Variants in EFNA5 observed in about 807,000 individuals in gnomAD.
EFNA5 encodes ephrin A5.
EFNA5 carries 5 observed loss-of-function variants against 22.9 expected under a neutral mutation model. The observed-to-expected ratio is 0.22, with a 90% CI of 0.11 to 0.46. The LOEUF (loss-of-function observed/expected upper bound fraction) is 0.46. Ranked by LOEUF, EFNA5 falls within the 20% of genes least tolerant of loss-of-function variation. The pLI, the probability that EFNA5 is intolerant of heterozygous loss-of-function variation, is 0.99. For missense variants in EFNA5, 237 were observed against 293.3 expected (o/e 0.81, Z 1.40); for synonymous variants, 113 against 112.2 (o/e 1.01, Z -0.04).
At chr5:107,413,687 T>C (rs1748430175) in intron 2 of EFNA5, among the ~76,000 whole-genome samples, 1 of 152,192 alleles carries the variant, frequency 6.6e-6, no homozygotes, top group Admixed American at 6.5e-5. Context: ...AAATTTATTT[T>C]ATGATAAAAA....
At chr5:107,434,598 A>G (rs1366961223) in intron 1 of EFNA5, among the ~76,000 whole-genome samples, 1 of 152,248 alleles carries the variant, frequency 6.6e-6, no homozygotes, top group Non-Finnish European at 1.5e-5. Flanking sequence ...TTGCTGGCAC[A>G]GCAGAGAACC....
chr5:107,661,845 A>G (rs1007384308), intron 1 of EFNA5, among the ~76,000 whole-genome samples: 2 of 152,208 alleles, frequency 1.3e-5, no homozygotes, highest in Non-Finnish European at 2.9e-5. Flanking sequence ...CACAACCTAG[A>G]TAACAATTTG....
At chr5:107,594,712 C>T (rs1179940561) in intron 1 of EFNA5, among the ~76,000 whole-genome samples, 1 of 152,162 alleles carries the variant, frequency 6.6e-6, no homozygotes, top group Non-Finnish European at 1.5e-5. Flanking sequence ...TAATCCTTCC[C>T]CTTCACACAG....
At chr5:107,427,029 G>A (rs1283529682) in intron 2 of EFNA5, 188 bp downstream of exon 2, 9 of 627,816 alleles carry the variant, frequency 1.4e-5, no homozygotes, top group Non-Finnish European at 2.2e-5. Context: ...GGGGAGACGC[G>A]CTCTGTCTTT....
At chr5:107,521,860 AG>A (rs1387982520) in intron 1 of EFNA5, among the ~76,000 whole-genome samples, 1 of 152,060 alleles carries the variant, frequency 6.6e-6, no homozygotes, top group Non-Finnish European at 1.5e-5. Flanking sequence ...TATGTTTTCC[AG>A]GCTGGAGTGG....
intron 1 of EFNA5, among the ~76,000 whole-genome samples, chr5:107,507,678 T>C (rs1357667612): frequency 2.0e-5 from 3 of 146,514 alleles, no homozygotes; most frequent in Admixed American, 2.0e-4. Context: ...CTCCTAAAGA[T>C]AAAAAAAAAA....
intron 1 of EFNA5, among the ~76,000 whole-genome samples, chr5:107,623,334 T>C (rs2112530433): frequency 6.6e-6 from 1 of 152,268 alleles, no homozygotes; most frequent in African/African-American, 2.4e-5. Flanking sequence ...CTGATCTAGA[T>C]CCAGAAATGT....
chr5:107,407,879 A>AT (rs1381767497), intron 2 of EFNA5, among the ~76,000 whole-genome samples: 1 of 152,066 alleles, frequency 6.6e-6, no homozygotes, highest in East Asian at 1.9e-4. Flanking sequence ...GTTATGATTT[A>AT]TTTTTTCTCA....
intron 1 of EFNA5, among the ~76,000 whole-genome samples, chr5:107,587,872 C>A (rs1749222801): frequency 6.6e-6 from 1 of 152,114 alleles, no homozygotes; most frequent in Non-Finnish European, 1.5e-5. Context: ...GGTCACTACT[C>A]CCTTATATCT....
chr5:107,470,233 G>A (rs1750102023), intron 1 of EFNA5, among the ~76,000 whole-genome samples: 1 of 152,176 alleles, frequency 6.6e-6, no homozygotes, highest in African/African-American at 2.4e-5. Flanking sequence ...GCAACAGTGA[G>A]GGTCCTGGGA....
chr5:107,514,352 A>G (rs1747434059), intron 1 of EFNA5, among the ~76,000 whole-genome samples: 1 of 152,234 alleles, frequency 6.6e-6, no homozygotes, highest in African/African-American at 2.4e-5. Flanking sequence ...ACACAATCAG[A>G]AAGAAAGCAT....
Position 107,427,226 on chromosome 5 carries a change from A to T in EFNA5, c.409T>A (p.Phe137Ile). Residue 137 changes from phenylalanine (F) to isoleucine (I), a missense_variant, in exon 2 of 5, where the codon TTC becomes ATC. Coordinates refer to ENST00000333274, the MANE Select transcript of EFNA5 (RefSeq NM_001962.3). Reference protein sequence around the residue: ...GFEFRPGREYFYISSAIPDNG... With the variant: ...GFEFRPGREYIYISSAIPDNG... Reference sequence around the variant, plus strand: ...ATCTCTATATACTCACAGATGTAGAAATATTCTCGGCCTGGCCTGAATTCA... The same window carrying T: ...ATCTCTATATACTCACAGATGTAGATATATTCTCGGCCTGGCCTGAATTCA... 1.2e-6 allele frequency: 2 copies of T among 1,614,108 alleles called. No homozygotes were observed. Among genetic ancestry groups the T allele is most frequent in the Non-Finnish European group, 1.7e-6 (2 of 1,179,986 alleles).
At chr5:107,427,152 T>G in intron 2 of EFNA5, 65 bp downstream of exon 2, 1 of 1,566,708 alleles carries the variant, frequency 6.4e-7, no homozygotes, top group Non-Finnish European at 8.8e-7. Context: ...CTCTGAAACA[T>G]GGGTAAAAAA....
chr5:107,519,800 G>A (rs1747557748), intron 1 of EFNA5, among the ~76,000 whole-genome samples: 1 of 152,154 alleles, frequency 6.6e-6, no homozygotes, highest in Non-Finnish European at 1.5e-5. Flanking sequence ...TTAAGAAAAG[G>A]AGAGCAGTTA....
intron 1 of EFNA5, among the ~76,000 whole-genome samples, chr5:107,669,586 T>C (rs1317114290): frequency 6.6e-6 from 1 of 151,854 alleles, no homozygotes; most frequent in African/African-American, 2.4e-5. Flanking sequence ...GACTGGCCGG[T>C]GTCCAGCACG....
rs905841649 is a variant in EFNA5, at chr5:107,393,668, C to T, written c.419-5897G>A. Among the ~76,000 whole-genome samples, 7 of 152,312 alleles carry T rather than the reference C, an allele frequency of 4.6e-5. No homozygotes were observed. The East Asian group carries it at 7.7e-4, about 17-fold the overall frequency. ...CGTGCAAGTCAAAAGAAAAGATAGG[C>T]TATTAGCTGTTAGCACGGCCCAGTT... On this transcript the variant is annotated intron_variant, in intron 2 of 4. Coordinates refer to ENST00000333274, the MANE Select transcript of EFNA5 (RefSeq NM_001962.3).
At chr5:107,544,384 AC>A (rs1748107693) in intron 1 of EFNA5, among the ~76,000 whole-genome samples, 1 of 152,154 alleles carries the variant, frequency 6.6e-6, no homozygotes, top group African/African-American at 2.4e-5. Flanking sequence ...GTCCTTGAAC[AC>A]CTGAGGACCA....
intron 1 of EFNA5, among the ~76,000 whole-genome samples, chr5:107,547,528 A>T (rs112272680): frequency 7.7e-6 from 1 of 129,978 alleles, no homozygotes; most frequent in African/African-American, 3.5e-5. Context: ...CTGATGTTCC[A>T]AAAAAAAAAA....
At chr5:107,617,594 C>G (rs558688567) in intron 1 of EFNA5, among the ~76,000 whole-genome samples, 2 of 152,008 alleles carry the variant, frequency 1.3e-5, no homozygotes, top group Non-Finnish European at 2.9e-5. Flanking sequence ...AAAGAAAATG[C>G]GTATTGAGAG....
Sources: allele counts gnomAD v4.1 joint callset (sites outside exome capture counted in the v4.1 genomes callset), GRCh38; gene constraint gnomAD v4.1.1; transcripts MANE v1.5; gene names NCBI Gene and HGNC (gene_info 2026-07-23, HGNC 2026-07-21).